The following TCF3 variants were observed in gnomAD, a reference collection of about 807,000 sequenced individuals.
TCF3 encodes transcription factor E2-alpha.
A neutral mutation model predicts 72.3 loss-of-function variants in TCF3; 54 were observed. The ratio of observed to expected loss-of-function variants is 0.75; its 90% CI spans 0.60 to 0.94. The LOEUF (loss-of-function observed/expected upper bound fraction) is 0.94, where lower values mean the gene tolerates loss of function less well. Ranked by LOEUF, TCF3 falls within the 40% of genes least tolerant of loss-of-function variation. The pLI is 0.00. For missense variants in TCF3, 1,078 were observed against 934.4 expected (o/e 1.15, Z -2.00); for synonymous variants, 525 against 412.6 (o/e 1.27, Z -3.30).
intron 16 of TCF3, among the ~76,000 whole-genome samples, chr19:1,617,918 G>C (rs1321335988): frequency 6.6e-6 from 1 of 152,166 alleles, no homozygotes; most frequent in Non-Finnish European, 1.5e-5. Context: ...TGTCCCCTGG[G>C]GGCAGAGCCG....
chr19:1,618,785 G>A (rs898717738), intron 16 of TCF3, among the ~76,000 whole-genome samples: 1 of 152,134 alleles, frequency 6.6e-6, no homozygotes, highest in Non-Finnish European at 1.5e-5. Context: ...ACTGTGCAGC[G>A]AGCTCCTGGT....
intron 5 of TCF3, among the ~76,000 whole-genome samples, chr19:1,631,152 C>A (rs541544500): frequency 2.0e-5 from 3 of 152,330 alleles, no homozygotes; most frequent in African/African-American, 7.2e-5. Context: ...CACCGCCTCC[C>A]TCCAAGAAGG....
At chr19:1,635,899 G>C (rs1238399621) in intron 3 of TCF3, among the ~76,000 whole-genome samples, 1 of 152,226 alleles carries the variant, frequency 6.6e-6, no homozygotes, top group East Asian at 1.9e-4. Context: ...CGTTTACTCG[G>C]GAGTAGGAGC....
chr19:1,620,913 T>G, intron 13 of TCF3, 55 bp downstream of exon 13: 1 of 1,229,160 alleles, frequency 8.1e-7, no homozygotes, highest in Non-Finnish European at 1.0e-6. Flanking sequence ...CAGCCTCCCC[T>G]CCCCCCAAAC....
rs78132125 is a variant in TCF3, at chr19:1,646,995, G to A, written c.73-568C>T. On this transcript the variant is annotated intron_variant, in intron 2 of 18. Coordinates refer to ENST00000262965, the MANE Select transcript of TCF3 (RefSeq NM_003200.5). ...GTGTCCCCCTACCAGGGCTGGGTAT[G>A]GGTTTGCTTGGCAAAAGGGGAAGCC... is the stretch of plus-strand genomic sequence containing the variant. Among the ~76,000 whole-genome samples the A allele has an allele frequency of 6.2e-3, 939 of 152,282 alleles. 17 individuals carry two copies. The highest frequency in any genetic ancestry group is 0.021 in the African/African-American group (886 of 41,556).
intron 8 of TCF3, among the ~76,000 whole-genome samples, chr19:1,623,490 T>C (rs926824727): frequency 2.0e-5 from 3 of 151,550 alleles, no homozygotes; most frequent in African/African-American, 7.3e-5. Context: ...TTCAAACGAT[T>C]CTTCTGCCTC....
chr19:1,628,610 G>A (rs2063252123), intron 5 of TCF3, among the ~76,000 whole-genome samples: 2 of 11,028 alleles, frequency 1.8e-4, no homozygotes, highest in Non-Finnish European at 2.7e-4. Context: ...GGGGTGAGGC[G>A]GGAAGGGGAC....
intron 3 of TCF3, among the ~76,000 whole-genome samples, chr19:1,639,965 A>G (rs2065007865): frequency 6.6e-6 from 1 of 152,180 alleles, no homozygotes. Context: ...AAAATTGATC[A>G]ATTGATCAAT....
chr19:1,623,584 A>G (rs2062522038), intron 8 of TCF3, among the ~76,000 whole-genome samples: 1 of 151,970 alleles, frequency 6.6e-6, no homozygotes, highest in Non-Finnish European at 1.5e-5. Context: ...GGGTTTCACC[A>G]TGTTGACTAG....
At position 1,632,920 on chromosome 19, in the gene TCF3, G is replaced by A. The variant is rs1188844034; in HGVS notation, c.146-515C>T. Among the ~76,000 whole-genome samples, 9 of 152,340 alleles carry A rather than the reference G, an allele frequency of 5.9e-5. No homozygotes were observed. In the East Asian group the frequency reaches 9.7e-4, roughly 16 times the overall value. On this transcript the variant is annotated intron_variant, in intron 3 of 18. Coordinates refer to ENST00000262965, the MANE Select transcript of TCF3 (RefSeq NM_003200.5). Reference sequence around the variant, plus strand: ...ACCTGCCAGTGTGGGAAGTGGGGCCGCCCTTTGCTGAAGCAGCAGCAGAGG... The same window carrying A: ...ACCTGCCAGTGTGGGAAGTGGGGCCACCCTTTGCTGAAGCAGCAGCAGAGG...
chr19:1,617,068 G>A (rs1238492711), intron 16 of TCF3, among the ~76,000 whole-genome samples: 1 of 152,230 alleles, frequency 6.6e-6, no homozygotes, highest in Non-Finnish European at 1.5e-5. Flanking sequence ...TTAAGGAAAT[G>A]CAAATTAGGG....
intron 2 of TCF3, among the ~76,000 whole-genome samples, chr19:1,648,190 C>A (rs531003440): frequency 7.8e-4 from 119 of 152,338 alleles, no homozygotes; most frequent in African/African-American, 2.6e-3. Context: ...TCACTTTATA[C>A]GCATCTGGTC....
At chr19:1,629,216 G>C (rs1271200362) in intron 5 of TCF3, among the ~76,000 whole-genome samples, 1 of 152,062 alleles carries the variant, frequency 6.6e-6, no homozygotes, top group African/African-American at 2.4e-5. Flanking sequence ...TTGAGGGGCT[G>C]ATGCCCTGGG....
intron 5 of TCF3, among the ~76,000 whole-genome samples, chr19:1,630,593 C>T (rs1192266817): frequency 1.3e-5 from 2 of 152,206 alleles, no homozygotes; most frequent in Non-Finnish European, 1.5e-5. Flanking sequence ...TGCCCCACAG[C>T]TCCCGGCTTC....
chr19:1,631,662 ACT>A (rs1326941238), intron 5 of TCF3, among the ~76,000 whole-genome samples: 5 of 152,048 alleles, frequency 3.3e-5, no homozygotes, highest in Admixed American at 1.3e-4. Context: ...ACCACCGCAC[ACT>A]CTGGCCGCCC....
chr19:1,649,447 T>C (rs1208845274), intron 2 of TCF3, among the ~76,000 whole-genome samples: 2 of 152,206 alleles, frequency 1.3e-5, no homozygotes, highest in Non-Finnish European at 2.9e-5. Flanking sequence ...TCTTACTCTA[T>C]CGCCCAGGAA....
At chr19:1,612,733 C>T (rs972698046) in intron 18 of TCF3, among the ~76,000 whole-genome samples, 5 of 149,408 alleles carry the variant, frequency 3.3e-5, no homozygotes, top group Non-Finnish European at 5.9e-5. Flanking sequence ...GTGTGGGCAG[C>T]AGTGCGGGTA....
At chr19:1,646,134 G>A (rs1033519419) in intron 3 of TCF3, among the ~76,000 whole-genome samples, 1 of 152,176 alleles carries the variant, frequency 6.6e-6, no homozygotes, top group Admixed American at 6.5e-5. Context: ...GAGGGACGAG[G>A]GGACGAGGGG....
chr19:1,625,849 T>A, intron 6 of TCF3, 141 bp from the exon 7 acceptor site: 2 of 1,068,012 alleles, frequency 1.9e-6, no homozygotes, highest in Non-Finnish European at 2.5e-6. Context: ...TCACGGTGTT[T>A]CTCTGTGACA....
Sources: gnomAD v4.1 joint callset for allele counts (sites outside exome capture counted in the v4.1 genomes callset) on GRCh38, gnomAD v4.1.1 for gene constraint, MANE v1.5 for transcripts, NCBI Gene and HGNC (gene_info 2026-07-23, HGNC 2026-07-21) for gene names.